The following GABRB1 variants were observed in gnomAD, a reference collection of about 807,000 sequenced individuals.
GABRB1 encodes the protein gamma-aminobutyric acid type A receptor subunit beta1.
In GABRB1, 17 loss-of-function variants were observed where a neutral mutation model predicts 51.6. The observed-to-expected ratio is 0.33, with a 90% CI of 0.23 to 0.49. The LOEUF (loss-of-function observed/expected upper bound fraction) is 0.49, where lower values mean the gene tolerates loss of function less well. Ranked by LOEUF, GABRB1 falls within the 20% of genes least tolerant of loss-of-function variation. The pLI is 0.99. For missense variants in GABRB1, 410 were observed against 600.6 expected (o/e 0.68, Z 3.32); for synonymous variants, 247 against 218.9 (o/e 1.13, Z -1.14).
chr4:47,029,008 CT>C (rs2109461331), upstream of GABRB1, among the ~76,000 whole-genome samples: 1 of 151,574 alleles, frequency 6.6e-6, no homozygotes, highest in East Asian at 1.9e-4. Context: ...CAGTGTTTTA[CT>C]TCTGGGATTT....
At chr4:47,192,709 A>C (rs946773247) in intron 4 of GABRB1, among the ~76,000 whole-genome samples, 7 of 152,220 alleles carry the variant, frequency 4.6e-5, no homozygotes, top group Admixed American at 1.3e-4. Context: ...TAATCCATTT[A>C]CTTTATTGTA....
chr4:47,334,746 G>A (rs1243036188), intron 5 of GABRB1, among the ~76,000 whole-genome samples: 1 of 152,140 alleles, frequency 6.6e-6, no homozygotes, highest in Non-Finnish European at 1.5e-5. Context: ...GAGAGCACAA[G>A]TTTTCCCGAC....
intron 4 of GABRB1, among the ~76,000 whole-genome samples, chr4:47,263,494 G>T (rs541255240): frequency 2.0e-5 from 3 of 152,278 alleles, no homozygotes; most frequent in African/African-American, 4.8e-5. Context: ...CACTGTGAAG[G>T]CTTCCTAAAT....
intron 4 of GABRB1, among the ~76,000 whole-genome samples, chr4:47,280,781 A>T (rs1723259348): frequency 6.6e-6 from 1 of 151,236 alleles, no homozygotes; most frequent in East Asian, 1.9e-4. Flanking sequence ...CAAAGAAGCT[A>T]AAACTACAGG....
At position 47,367,928 on chromosome 4, in the gene GABRB1, C is replaced by T. The variant is rs17571673; in HGVS notation, c.545-35390C>T. 6.9e-3 allele frequency among the ~76,000 whole-genome samples: 1,052 copies of T among 152,262 alleles called. 3 individuals are homozygous for T. The highest frequency in any genetic ancestry group is 0.027 in the South Asian group (128 of 4,820). On this transcript the variant is annotated intron_variant, in intron 5 of 8. Transcript: ENST00000295454. ...CTGACTGATTATAACCACATTCTAG[C>T]TCACATGAAACAAAGGAAAAGGAAG...
At chr4:47,424,378 G>A (rs1729195102) in intron 8 of GABRB1, among the ~76,000 whole-genome samples, 1 of 152,028 alleles carries the variant, frequency 6.6e-6, no homozygotes, top group Non-Finnish European at 1.5e-5. Flanking sequence ...TAGGGTTGCT[G>A]TATTAAACAG....
intron 3 of GABRB1, among the ~76,000 whole-genome samples, chr4:47,049,541 C>A (rs888536373): frequency 6.6e-6 from 1 of 152,108 alleles, no homozygotes; most frequent in African/African-American, 2.4e-5. Flanking sequence ...CCTTTCAGAA[C>A]AGGGAAATTA....
chr4:47,405,814 A>C lies in GABRB1; in HGVS notation c.836-868A>C, dbSNP rs149907168. On this transcript the variant is annotated intron_variant, in intron 7 of 8. Coordinates refer to ENST00000295454, the MANE Select transcript of GABRB1 (RefSeq NM_000812.4). ...TCACTTCTTGCTTTTCACAATTATC[A>C]CTTCATCACCACCATCATCAACACA... Among the ~76,000 whole-genome samples the C allele has an allele frequency of 4.9e-3, 751 of 152,278 alleles. 7 individuals are homozygous for C. The highest frequency in any genetic ancestry group is 0.017 in the African/African-American group (687 of 41,560).
chr4:47,388,548 G>A (rs975534662), intron 5 of GABRB1, among the ~76,000 whole-genome samples: 2 of 152,172 alleles, frequency 1.3e-5, no homozygotes, highest in Non-Finnish European at 2.9e-5. Flanking sequence ...CAAATCTGGG[G>A]ATACGTCCAA....
At chr4:47,277,331 A>G (rs926957742) in intron 4 of GABRB1, among the ~76,000 whole-genome samples, 1 of 152,092 alleles carries the variant, frequency 6.6e-6, no homozygotes, top group Non-Finnish European at 1.5e-5. Context: ...ACTCATGGAC[A>G]TAGAGAGTGA....
intron 4 of GABRB1, among the ~76,000 whole-genome samples, chr4:47,175,937 A>G (rs1418994564): frequency 6.6e-6 from 1 of 152,198 alleles, no homozygotes; most frequent in Non-Finnish European, 1.5e-5. Context: ...ATTATTGGAA[A>G]TAAGTAAGAG....
chr4:47,349,932 A>C (rs917463791), intron 5 of GABRB1, among the ~76,000 whole-genome samples: 3 of 152,068 alleles, frequency 2.0e-5, no homozygotes, highest in Admixed American at 6.6e-5. Flanking sequence ...GCCCTCTTAC[A>C]TATAGTGGTC....
chr4:47,106,508 A>G (rs1714979295), intron 3 of GABRB1, among the ~76,000 whole-genome samples: 1 of 152,088 alleles, frequency 6.6e-6, no homozygotes, highest in African/African-American at 2.4e-5. Context: ...CTTACAGGAG[A>G]GTTGTAATAA....
intron 4 of GABRB1, among the ~76,000 whole-genome samples, chr4:47,309,865 ATAG>A (rs1420611064): frequency 6.6e-6 from 1 of 152,250 alleles, no homozygotes; most frequent in Non-Finnish European, 1.5e-5. Context: ...TGTATTTGTA[ATAG>A]TAGTGTTATA....
At chr4:47,167,232 T>C (rs1283418713) in intron 4 of GABRB1, among the ~76,000 whole-genome samples, 2 of 152,118 alleles carry the variant, frequency 1.3e-5, no homozygotes, top group Admixed American at 6.6e-5. Context: ...TCACTATTAA[T>C]GACCAGATGT....
At chr4:47,311,260 C>CAACAACAAA (rs1462828856) in intron 4 of GABRB1, among the ~76,000 whole-genome samples, 2 of 150,264 alleles carry the variant, frequency 1.3e-5, no homozygotes, top group Non-Finnish European at 3.0e-5. Flanking sequence ...ACAACAACAA[C>CAACAACAAA]AAAATACCAA....
At chr4:47,208,477 T>C (rs1720225738) in intron 4 of GABRB1, among the ~76,000 whole-genome samples, 1 of 152,100 alleles carries the variant, frequency 6.6e-6, no homozygotes, top group African/African-American at 2.4e-5. Flanking sequence ...TTAAAATGCC[T>C]CAAATGTCAA....
At chr4:47,355,857 G>A (rs1726547831) in intron 5 of GABRB1, among the ~76,000 whole-genome samples, 1 of 152,142 alleles carries the variant, frequency 6.6e-6, no homozygotes, top group African/African-American at 2.4e-5. Flanking sequence ...ACAGGGGTGA[G>A]TTTGGGCCCC....
intron 4 of GABRB1, among the ~76,000 whole-genome samples, chr4:47,290,396 T>C (rs1723681165): frequency 6.6e-6 from 1 of 152,176 alleles, no homozygotes; most frequent in South Asian, 2.1e-4. Flanking sequence ...GAAATGTAAG[T>C]CCAACATTAG....
Sources: allele counts gnomAD v4.1 joint callset (sites outside exome capture counted in the v4.1 genomes callset), GRCh38; gene constraint gnomAD v4.1.1; transcripts MANE v1.5; gene names NCBI Gene and HGNC (gene_info 2026-07-23, HGNC 2026-07-21).